SIK2: variants seen among roughly 807,000 people sequenced by gnomAD.
SIK2 encodes the protein salt inducible kinase 2.
SIK2 carries 29 observed loss-of-function variants against 103.2 expected under a neutral mutation model. The observed-to-expected ratio is 0.28, with a 90% CI of 0.21 to 0.38. The LOEUF (loss-of-function observed/expected upper bound fraction) is 0.38, where lower values mean the gene tolerates loss of function less well. SIK2 is among the 10% of genes least tolerant of loss of function. The probability of loss-of-function intolerance (pLI) is 1.00; values close to 1 mark genes in which losing one functional copy is unlikely to be tolerated. For synonymous variants in SIK2, 412 were observed against 446.1 expected, an observed-to-expected ratio of 0.92 and a Z score of 0.96; for missense variants, 879 against 1,171.0, an observed-to-expected ratio of 0.75 and a Z score of 3.64.
rs993859848 is a variant in SIK2 at position 111,704,979 on chromosome 11, T to A, written c.949-8T>A. ...TTCTTTGCCTTTACCACTTGTTTTT[T>A]ATTTCAGTCTTTGCAGAACAAGAGC... On this transcript the variant is annotated splice_polypyrimidine_tract_variant and splice_region_variant and intron_variant, in intron 7 of 14. Coordinates refer to ENST00000304987, the MANE Select transcript of SIK2 (RefSeq NM_015191.3). 1.9e-6 allele frequency: 3 copies of A among 1,597,526 alleles called. No homozygotes were observed. The highest frequency in any genetic ancestry group is 2.6e-6 in the Non-Finnish European group (3 of 1,174,824).
intron 1 of SIK2, 96 bp from the exon 2 acceptor site, chr11:111,616,147 A>T: frequency 1.3e-6 from 1 of 746,010 alleles, no homozygotes; most frequent in Non-Finnish European, 2.3e-6. Flanking sequence ...TCAGGAACCT[A>T]CAGGTGAAGT....
At chr11:111,623,856 A>G (rs550283187) in intron 3 of SIK2, among the ~76,000 whole-genome samples, 16 of 151,862 alleles carry the variant, frequency 1.1e-4, no homozygotes, top group Admixed American at 1.0e-3. Context: ...CTTATCTGGG[A>G]CTCTCAGCAT....
chr11:111,644,132 A>G (rs1325859269), intron 3 of SIK2, among the ~76,000 whole-genome samples: 1 of 150,758 alleles, frequency 6.6e-6, no homozygotes, highest in East Asian at 2.0e-4. Context: ...CTAAAAATAC[A>G]AAAAAAATTA....
intron 3 of SIK2, among the ~76,000 whole-genome samples, chr11:111,648,730 G>A (rs1942290178): frequency 6.6e-6 from 1 of 151,778 alleles, no homozygotes; most frequent in Non-Finnish European, 1.5e-5. Context: ...TATGGAGTTG[G>A]GATTATGGGG....
intron 3 of SIK2, among the ~76,000 whole-genome samples, chr11:111,675,991 C>T (rs571274255): frequency 1.1e-3 from 160 of 152,174 alleles, no homozygotes; most frequent in Non-Finnish European, 1.9e-3. Flanking sequence ...TTAGCTCCTA[C>T]TTAGAAGTGA....
chr11:111,677,206 G>T lies in SIK2; in HGVS notation c.317-10795G>T, dbSNP rs75466478. On this transcript the variant is annotated intron_variant, in intron 3 of 14. Coordinates refer to ENST00000304987, the MANE Select transcript of SIK2 (RefSeq NM_015191.3). ...CCCAGGCTATTCAGTTTTTGTTTTT[G>T]TTTTTAATTATTGCCTAAAAAAACA... Among the ~76,000 whole-genome samples, 1,230 of 152,154 alleles carry T rather than the reference G, an allele frequency of 8.1e-3. 11 individuals are homozygous for T. The highest frequency in any genetic ancestry group is 0.058 in the Middle Eastern group (17 of 294).
intron 4 of SIK2, among the ~76,000 whole-genome samples, chr11:111,692,655 A>G (rs947989961): frequency 2.0e-5 from 3 of 152,202 alleles, no homozygotes; most frequent in East Asian, 3.8e-4. Context: ...TGTAAATTTT[A>G]TAACTTCTTG....
intron 3 of SIK2, among the ~76,000 whole-genome samples, chr11:111,632,217 C>CGGT (rs1207609438): frequency 2.0e-5 from 3 of 152,102 alleles, no homozygotes; most frequent in Non-Finnish European, 4.4e-5. Context: ...AGAGAAGGAA[C>CGGT]GGTACCTCTT....
intron 3 of SIK2, among the ~76,000 whole-genome samples, chr11:111,663,830 T>C (rs1942499493): frequency 6.6e-6 from 1 of 152,212 alleles, no homozygotes; most frequent in Non-Finnish European, 1.5e-5. Context: ...AGCCTAATTA[T>C]TTGATCCTTA....
rs548178302 is a variant in SIK2 at position 111,617,189 on chromosome 11, A to G, written c.252+830A>G. On this transcript the variant is annotated intron_variant, in intron 2 of 14. Transcript: ENST00000304987. The stretch of plus-strand genomic sequence containing the variant: ...TTATAGCTTTAGGGGGTACAGGTGC[A>G]ATTTTGTTACCTGGCTATATTGCAT... 2.0e-5 allele frequency among the ~76,000 whole-genome samples: 3 copies of G among 152,150 alleles called. No individual in the cohort carries two copies. In the East Asian group the frequency reaches 5.8e-4, roughly 29 times the overall value.
rs765796865 is a variant in SIK2, at chr11:111,688,211, A to G, written c.478+49A>G. 3 of 1,598,640 alleles carry G rather than the reference A, an allele frequency of 1.9e-6. No homozygotes were observed. Among genetic ancestry groups the G allele is most frequent in the South Asian group, 2.2e-5 (2 of 90,454 alleles). ...AATAAGATCCGAAGTGAGCCACTGC[A>G]CTCAGTGTGTGGAAACAGACCTGCA... On this transcript the variant is annotated intron_variant, in intron 4 of 14. Transcript: ENST00000304987. The surrounding 1 kb of genome is among the most constrained non-coding windows in gnomAD (Gnocchi z 4.2).
chr11:111,646,541 A>G (rs1241949474), intron 3 of SIK2, among the ~76,000 whole-genome samples: 1 of 152,150 alleles, frequency 6.6e-6, no homozygotes, highest in Non-Finnish European at 1.5e-5. Context: ...CAAGACAGTG[A>G]ATGTGTCCAC....
intron 4 of SIK2, among the ~76,000 whole-genome samples, chr11:111,692,411 A>G (rs989131302): frequency 3.5e-5 from 5 of 141,082 alleles, no homozygotes; most frequent in African/African-American, 1.0e-4. Flanking sequence ...AGAGGGAGAG[A>G]GAGAGATAGA....
intron 3 of SIK2, among the ~76,000 whole-genome samples, chr11:111,656,324 A>G (rs1591603098): frequency 6.6e-6 from 1 of 152,350 alleles, no homozygotes; most frequent in East Asian, 1.9e-4. Flanking sequence ...CTCTGTTAAT[A>G]ATGGCTCTAG....
At chr11:111,658,570 C>G (rs907707123) in intron 3 of SIK2, among the ~76,000 whole-genome samples, 2 of 152,106 alleles carry the variant, frequency 1.3e-5, no homozygotes, top group Non-Finnish European at 1.5e-5. Context: ...TGGCAAAACT[C>G]CATCTCTACA....
chr11:111,619,197 T>G (rs932677669), intron 2 of SIK2, among the ~76,000 whole-genome samples: 2 of 152,192 alleles, frequency 1.3e-5, no homozygotes, highest in Non-Finnish European at 1.5e-5. Flanking sequence ...ATTTACTGAT[T>G]TGTTTAGGCC....
chr11:111,713,638 C>A (rs1239369990), intron 9 of SIK2, among the ~76,000 whole-genome samples: 1 of 152,198 alleles, frequency 6.6e-6, no homozygotes, highest in Non-Finnish European at 1.5e-5. Context: ...ATTATACATA[C>A]TGAAAGACAG....
chr11:111,689,443 A>C (rs1383926579), intron 4 of SIK2, among the ~76,000 whole-genome samples: 1 of 152,218 alleles, frequency 6.6e-6, no homozygotes, highest in Non-Finnish European at 1.5e-5. Flanking sequence ...TAGTCCATTT[A>C]AGAAAACATG....
At chr11:111,614,069 T>G (rs1384743584) in intron 1 of SIK2, among the ~76,000 whole-genome samples, 1 of 144,348 alleles carries the variant, frequency 6.9e-6, no homozygotes, top group Non-Finnish European at 1.5e-5. Context: ...AAGTATAACT[T>G]TTTGACTCTC....
Sources: allele counts gnomAD v4.1 joint callset (sites outside exome capture counted in the v4.1 genomes callset), GRCh38; gene constraint gnomAD v4.1.1; non-coding constraint Gnocchi (gnomAD v3.1); transcripts MANE v1.5; gene names NCBI Gene and HGNC (gene_info 2026-07-23, HGNC 2026-07-21).